PCDHGB2: variants seen among roughly 807,000 people sequenced by gnomAD.
The protein encoded by PCDHGB2 is protocadherin gamma subfamily B, 2.
PCDHGB2 carries 55 observed loss-of-function variants against 59.3 expected under a neutral mutation model. The observed-to-expected ratio is 0.93, with a 90% CI of 0.75 to 1.16. The LOEUF (loss-of-function observed/expected upper bound fraction) is 1.16, where lower values mean the gene tolerates loss of function less well. PCDHGB2 is among the 50% of genes most tolerant of loss of function. The pLI is 0.00. For missense variants in PCDHGB2, 1,228 were observed against 1,198.5 expected, an observed-to-expected ratio of 1.02 and a Z score of -0.36; for synonymous variants, 516 against 512.0, an observed-to-expected ratio of 1.01 and a Z score of -0.11.
chr5:141,448,335 A>T (rs567377336), intron 1 of PCDHGB2, among the ~76,000 whole-genome samples: 1 of 152,108 alleles, frequency 6.6e-6, no homozygotes, highest in Non-Finnish European at 1.5e-5. Flanking sequence ...CTTTATAGCC[A>T]TGTACCTCAA....
At chr5:141,413,824 A>G (rs1265406182) in intron 1 of PCDHGB2, 1 of 1,613,114 alleles carries the variant, frequency 6.2e-7, no homozygotes, top group Middle Eastern at 1.6e-4. Context: ...CCTGGTCCTC[A>G]CCGCCTCCGA....
At chr5:141,389,160 G>C in intron 1 of PCDHGB2, 4 of 1,613,996 alleles carry the variant, frequency 2.5e-6, no homozygotes, top group Non-Finnish European at 3.4e-6. Flanking sequence ...AACAGATCGG[G>C]GCAAGCCTCC....
intron 1 of PCDHGB2, among the ~76,000 whole-genome samples, chr5:141,448,711 C>T (rs62379167): frequency 0.23 from 35,567 of 151,844 alleles, 4,336 homozygotes; most frequent in Admixed American, 0.32. Context: ...GAGGCCGAGG[C>T]GGGAGGATCA....
chr5:141,490,476 G>A lies in PCDHGB2; in HGVS notation c.2422-4331G>A. 1 of 1,614,208 alleles carries A rather than the reference G, an allele frequency of 6.2e-7. No homozygotes were observed. The highest frequency in any genetic ancestry group is 8.5e-7 in the Non-Finnish European group (1 of 1,180,046). On this transcript the variant is annotated intron_variant, in intron 1 of 3. Transcript: ENST00000522605. The surrounding 1 kb of genome is among the most constrained non-coding windows in gnomAD (Gnocchi z 5.4). ...ACTCGCTGCTAACCAGCCAGCCTTT[G>A]GACCGGGAGGCCACATCCCACTATA...
chr5:141,365,924 G>C, intron 1 of PCDHGB2: 1 of 1,614,212 alleles, frequency 6.2e-7, no homozygotes, highest in Non-Finnish European at 8.5e-7. Flanking sequence ...ACAGTTGTGG[G>C]TGACAGCCAG....
chr5:141,379,132 AG>A (rs1236158161), intron 1 of PCDHGB2: 1 of 152,236 alleles, frequency 6.6e-6, no homozygotes, highest in East Asian at 1.9e-4. Flanking sequence ...AAAATAAATG[AG>A]AACCTCCTTT....
At chr5:141,505,275 AGGTCTTGGGCATGGGGTAG>A (rs1251192617) in intron 2 of PCDHGB2, 99 bp from the exon 3 acceptor site, 87 of 1,525,470 alleles carry the variant, frequency 5.7e-5, no homozygotes, top group Non-Finnish European at 2.0e-5. Context: ...TGAGAGAAAC[AGGTCTTGGGCATGGGGTAG>A]GGTTAGGGTA....
intron 1 of PCDHGB2, chr5:141,430,495 T>C: frequency 3.4e-6 from 1 of 293,400 alleles, no homozygotes; most frequent in Non-Finnish European, 6.2e-6. Context: ...GAAATATCCT[T>C]TCTGGGAGTT....
chr5:141,376,977 G>T (rs529935042), intron 1 of PCDHGB2: 1 of 157,454 alleles, frequency 6.4e-6, no homozygotes, highest in Admixed American at 6.2e-5. Flanking sequence ...GTGAGCCACC[G>T]CGCCCGGCCG....
In PCDHGB2 at chr5:141,398,596, G is replaced by A. The variant is rs201846904; in HGVS notation, c.2421+36040G>A. 1,173 of 1,614,034 alleles carry A rather than the reference G, an allele frequency of 7.3e-4. 1 individual carries two copies. Among genetic ancestry groups the A allele is most frequent in the Non-Finnish European group, 9.3e-4 (1,101 of 1,179,898 alleles). ...TGGCACAAGATTTATACTAGAAGTA[G>A]CAGAAGATGCAGATATTGGCTTAAA... is the stretch of plus-strand genomic sequence containing the variant. On this transcript the variant is annotated intron_variant, in intron 1 of 3. Transcript: ENST00000522605.
chr5:141,379,878 T>C (rs1775912256), intron 1 of PCDHGB2, among the ~76,000 whole-genome samples: 1 of 147,082 alleles, frequency 6.8e-6, no homozygotes, highest in African/African-American at 2.5e-5. Flanking sequence ...TTTTATGGTC[T>C]GTGAAAGCCT....
Position 141,491,307 on chromosome 5 carries a change from C to CCTTA in PCDHGB2, c.2422-3498_2422-3495dup. On this transcript the variant is annotated intron_variant, in intron 1 of 3. Transcript: ENST00000522605. The surrounding 1 kb of genome is among the most constrained non-coding windows in gnomAD (Gnocchi z 6.9). ...TCATACACCCTCCTGAGCGTTCAGA[C>CCTTA]CTTACCCTTTACCTCATTGTGGCTC... 1 of 1,614,152 alleles carries CCTTA rather than the reference C, an allele frequency of 6.2e-7. No individual in the cohort carries two copies. Among genetic ancestry groups the CCTTA allele is most frequent in the Non-Finnish European group, 8.5e-7 (1 of 1,179,986 alleles).
At chr5:141,467,906 A>T (rs917983299) in intron 1 of PCDHGB2, among the ~76,000 whole-genome samples, 5 of 152,002 alleles carry the variant, frequency 3.3e-5, no homozygotes, top group African/African-American at 9.7e-5. Flanking sequence ...AAATCCGCCC[A>T]CCTCAGCCTC....
intron 2 of PCDHGB2, among the ~76,000 whole-genome samples, chr5:141,502,170 G>A (rs1165631931): frequency 6.6e-6 from 1 of 152,128 alleles, no homozygotes; most frequent in Admixed American, 6.5e-5. Context: ...TTCAGTTGAG[G>A]AATTTAACAT....
At chr5:141,397,255 T>C (rs1471539186) in intron 1 of PCDHGB2, among the ~76,000 whole-genome samples, 2 of 152,214 alleles carry the variant, frequency 1.3e-5, no homozygotes, top group Admixed American at 6.5e-5. Flanking sequence ...GGGTATATCA[T>C]TTCTTAGCTA....
intron 1 of PCDHGB2, chr5:141,371,516 A>G: frequency 6.2e-7 from 1 of 1,613,882 alleles, no homozygotes. Flanking sequence ...CACATGATCT[A>G]GATTCTGGAT....
chr5:141,437,030 A>G (rs1246601314), intron 1 of PCDHGB2, among the ~76,000 whole-genome samples: 1 of 152,248 alleles, frequency 6.6e-6, no homozygotes, highest in Non-Finnish European at 1.5e-5. Context: ...CAGAAAATGG[A>G]TCACCGAAAC....
rs374229757 is a variant in PCDHGB2, at chr5:141,491,437, C to T, written c.2422-3370C>T. 4 of 1,613,978 alleles carry T rather than the reference C, an allele frequency of 2.5e-6. No homozygotes were observed. Among genetic ancestry groups the T allele is most frequent in the Admixed American group, 3.3e-5 (2 of 60,004 alleles). ...CGGGGGTGGAGGGCAGTGCTGCAGG[C>T]GCCAGGACTCACCCTCCCCGGACTT... On this transcript the variant is annotated intron_variant, in intron 1 of 3. Coordinates refer to ENST00000522605, the MANE Select transcript of PCDHGB2 (RefSeq NM_018923.3). This position sits in a 1 kb window ranked among gnomAD's most constrained non-coding sequence, Gnocchi z 6.9.
chr5:141,370,322 C>G, intron 1 of PCDHGB2: 6 of 1,366,842 alleles, frequency 4.4e-6, no homozygotes, highest in Non-Finnish European at 5.0e-6. Flanking sequence ...GTTGGTCCTG[C>G]TCGGAGAACT....
Sources: allele counts gnomAD v4.1 joint callset (sites outside exome capture counted in the v4.1 genomes callset), GRCh38; gene constraint gnomAD v4.1.1; non-coding constraint Gnocchi (gnomAD v3.1); transcripts MANE v1.5; gene names NCBI Gene and HGNC (gene_info 2026-07-23, HGNC 2026-07-21).